Variants in KCTD8 observed in about 807,000 individuals in gnomAD.
The protein encoded by KCTD8 is potassium channel tetramerization domain containing 8, also known as BTB/POZ domain-containing protein KCTD8.
KCTD8 carries 27 observed loss-of-function variants against 31.5 expected under a neutral mutation model. The observed-to-expected ratio is 0.86, with a 90% CI of 0.63 to 1.18. The LOEUF is 1.18. Among genes scored for constraint, KCTD8 ranks in the 50% most tolerant of loss-of-function variants. The pLI, the probability that KCTD8 is intolerant of heterozygous loss-of-function variation, is 0.00. For synonymous variants in KCTD8, 290 were observed against 280.0 expected (o/e 1.04, Z -0.36); for missense variants, 658 against 647.7 (o/e 1.02, Z -0.17).
chr4:44,309,210 A>AT (rs931837236), intron 1 of KCTD8, among the ~76,000 whole-genome samples: 452 of 144,570 alleles, frequency 3.1e-3, no homozygotes, highest in African/African-American at 8.1e-3. Flanking sequence ...TAATTTTTGT[A>AT]TTTTTTTTTT....
At chr4:44,198,762 C>G (rs1404706342) in intron 1 of KCTD8, among the ~76,000 whole-genome samples, 3 of 152,090 alleles carry the variant, frequency 2.0e-5, no homozygotes, top group African/African-American at 7.2e-5. Flanking sequence ...GTCTACAAAA[C>G]AACCAGGTTA....
intron 1 of KCTD8, among the ~76,000 whole-genome samples, chr4:44,339,457 A>G (rs1321505017): frequency 6.6e-6 from 1 of 152,176 alleles, no homozygotes; most frequent in Admixed American, 6.5e-5. Context: ...CAAAATAAAC[A>G]GGGTCGATTC....
At chr4:44,189,558 ACTTCAC>A (rs1713697885) in intron 1 of KCTD8, among the ~76,000 whole-genome samples, 1 of 152,074 alleles carries the variant, frequency 6.6e-6, no homozygotes, top group African/African-American at 2.4e-5. Flanking sequence ...AGGGATAGCC[ACTTCAC>A]CTTATCTCTG....
chr4:44,340,462 C>T (rs976107679), intron 1 of KCTD8, among the ~76,000 whole-genome samples: 3 of 149,990 alleles, frequency 2.0e-5, no homozygotes, highest in Non-Finnish European at 4.4e-5. Flanking sequence ...CCATGCCTGG[C>T]TAATTTTTTT....
chr4:44,225,147 C>T (rs1714919375), intron 1 of KCTD8, among the ~76,000 whole-genome samples: 1 of 152,210 alleles, frequency 6.6e-6, no homozygotes. Context: ...CCTTCCTAAT[C>T]AGATAAGCTC....
In KCTD8 at chr4:44,374,778, G is replaced by A. The variant is rs765186966; in HGVS notation, c.961+72785C>T. Reference sequence around the variant, plus strand: ...CAATTAAGTTTGCCATCTTCTATGCGTGTGGTTCATGCTCCCCCAAAAAAC... The same window carrying A: ...CAATTAAGTTTGCCATCTTCTATGCATGTGGTTCATGCTCCCCCAAAAAAC... On this transcript the variant is annotated intron_variant, in intron 1 of 1. Coordinates refer to ENST00000360029, the MANE Select transcript of KCTD8 (RefSeq NM_198353.3). Among the ~76,000 whole-genome samples the A allele has an allele frequency of 7.9e-5, 12 of 152,098 alleles. 1 individual carries two copies. Among genetic ancestry groups the A allele is most frequent in the Non-Finnish European group, 1.5e-5 (1 of 68,020 alleles).
rs370912736 is a variant in KCTD8 at position 44,268,792 on chromosome 4, T to G, written c.962-93542A>C. Among the ~76,000 whole-genome samples, 355 of 152,234 alleles carry G rather than the reference T, an allele frequency of 2.3e-3. 1 individual carries two copies. Among genetic ancestry groups the G allele is most frequent in the Middle Eastern group, 0.017 (5 of 294 alleles). On this transcript the variant is annotated intron_variant, in intron 1 of 1. Coordinates refer to ENST00000360029, the MANE Select transcript of KCTD8 (RefSeq NM_198353.3). Reference sequence around the variant, plus strand: ...TCATGAGTGAACTCCCATTCACAATTGCTTCAAAGAGAATAAAATACCTAG... The same window carrying G: ...TCATGAGTGAACTCCCATTCACAATGGCTTCAAAGAGAATAAAATACCTAG...
chr4:44,445,647 A>G (rs1438457680), intron 1 of KCTD8, among the ~76,000 whole-genome samples: 2 of 152,174 alleles, frequency 1.3e-5, no homozygotes, highest in Admixed American at 1.3e-4. Context: ...TCATGTCCAC[A>G]TCTTTCTAGA....
At chr4:44,185,500 G>T (rs1713559061) in intron 1 of KCTD8, among the ~76,000 whole-genome samples, 1 of 152,100 alleles carries the variant, frequency 6.6e-6, no homozygotes, top group Non-Finnish European at 1.5e-5. Flanking sequence ...GTGACATCTT[G>T]GCTTTGGAGA....
chr4:44,221,742 C>T (rs548564350), intron 1 of KCTD8, among the ~76,000 whole-genome samples: 10 of 152,306 alleles, frequency 6.6e-5, no homozygotes, highest in South Asian at 2.1e-4. Flanking sequence ...CCAGTGTACT[C>T]TTTCCACCGT....
At chr4:44,267,553 A>G (rs189598591) in intron 1 of KCTD8, among the ~76,000 whole-genome samples, 3 of 152,234 alleles carry the variant, frequency 2.0e-5, no homozygotes, top group Non-Finnish European at 2.9e-5. Context: ...TGAGAGCAGA[A>G]CTGAAGGAAA....
At chr4:44,249,474 AT>A (rs1224729530) in intron 1 of KCTD8, among the ~76,000 whole-genome samples, 1 of 151,802 alleles carries the variant, frequency 6.6e-6, no homozygotes, top group Non-Finnish European at 1.5e-5. Flanking sequence ...GAAATAATAA[AT>A]AATTTAGAAT....
intron 1 of KCTD8, among the ~76,000 whole-genome samples, chr4:44,268,986 A>G (rs984206504): frequency 6.6e-5 from 10 of 152,058 alleles, no homozygotes; most frequent in Admixed American, 2.0e-4. Context: ...TATAGATTCA[A>G]TGCCATCCCC....
chr4:44,422,182 C>T (rs1421398675), intron 1 of KCTD8, among the ~76,000 whole-genome samples: 1 of 152,042 alleles, frequency 6.6e-6, no homozygotes, highest in Non-Finnish European at 1.5e-5. Flanking sequence ...TCTCAGACCC[C>T]TCTCTCAAAG....
intron 1 of KCTD8, among the ~76,000 whole-genome samples, chr4:44,249,363 C>T (rs1253022765): frequency 1.3e-5 from 2 of 151,718 alleles, no homozygotes; most frequent in Non-Finnish European, 2.9e-5. Flanking sequence ...CAAGTCATTA[C>T]ATTCTAATGC....
intron 1 of KCTD8, among the ~76,000 whole-genome samples, chr4:44,214,390 T>C (rs1386225719): frequency 6.6e-6 from 1 of 152,160 alleles, no homozygotes; most frequent in Non-Finnish European, 1.5e-5. Flanking sequence ...GTCTCAAGTA[T>C]ACAAAAATAT....
At chr4:44,269,561 G>T (rs1716511287) in intron 1 of KCTD8, among the ~76,000 whole-genome samples, 1 of 151,866 alleles carries the variant, frequency 6.6e-6, no homozygotes, top group Non-Finnish European at 1.5e-5. Context: ...AAACTAAAGA[G>T]CTTCTGCACA....
intron 1 of KCTD8, among the ~76,000 whole-genome samples, chr4:44,264,826 C>G (rs771488408): frequency 6.6e-6 from 1 of 152,142 alleles, no homozygotes; most frequent in African/African-American, 2.4e-5. Context: ...AAGGCAGCAG[C>G]GAGGCTGGGG....
intron 1 of KCTD8, among the ~76,000 whole-genome samples, chr4:44,197,149 G>A (rs1265816258): frequency 6.6e-6 from 1 of 152,146 alleles, no homozygotes; most frequent in African/African-American, 2.4e-5. Flanking sequence ...CTCTTGGCCT[G>A]ACAGGACTCA....
Sources: gnomAD v4.1 joint callset for allele counts (sites outside exome capture counted in the v4.1 genomes callset) on GRCh38, gnomAD v4.1.1 for gene constraint, MANE v1.5 for transcripts, NCBI Gene and HGNC (gene_info 2026-07-23, HGNC 2026-07-21) for gene names.